Variants in GRID2 observed in about 807,000 individuals in gnomAD.
GRID2 encodes glutamate ionotropic receptor delta type subunit 2.
A neutral mutation model predicts 114.8 loss-of-function variants in GRID2; 33 were observed. The ratio of observed to expected loss-of-function variants is 0.29; its 90% CI spans 0.22 to 0.38. The LOEUF is 0.38. Ranked by LOEUF, GRID2 falls within the 10% of genes least tolerant of loss-of-function variation. The pLI is 1.00. For synonymous variants in GRID2, 505 were observed against 449.9 expected (o/e 1.12, Z -1.55); for missense variants, 1,184 against 1,257.7 (o/e 0.94, Z 0.89).
chr4:93,211,638 C>G lies in GRID2; in HGVS notation c.789+4181C>G, dbSNP rs564776047. 2.0e-5 allele frequency among the ~76,000 whole-genome samples: 3 copies of G among 152,002 alleles called. No individual in the cohort carries two copies. In the East Asian group the frequency reaches 5.8e-4, roughly 29 times the overall value. Reference sequence around the variant, plus strand: ...ACTTCACCATCACCATCATTGAAACCGTTATCTCTTTCTTACCCACAGCCC... The same window carrying G: ...ACTTCACCATCACCATCATTGAAACGGTTATCTCTTTCTTACCCACAGCCC... On this transcript the variant is annotated intron_variant, in intron 5 of 15. Coordinates refer to ENST00000282020, the MANE Select transcript of GRID2 (RefSeq NM_001510.4).
chr4:93,122,035 G>T lies in GRID2; in HGVS notation c.735+11082G>T, dbSNP rs114142666. On this transcript the variant is annotated intron_variant, in intron 4 of 15. Coordinates refer to ENST00000282020, the MANE Select transcript of GRID2 (RefSeq NM_001510.4). Reference sequence around the variant, plus strand: ...GTCTCTTGTCAAGTGAATGTATTTTGAAAATCTTCTCTTCTGTCTGTCTTT... The same window carrying T: ...GTCTCTTGTCAAGTGAATGTATTTTTAAAATCTTCTCTTCTGTCTGTCTTT... Among the ~76,000 whole-genome samples the T allele has an allele frequency of 2.0e-3, 303 of 152,172 alleles. 2 individuals carry two copies. The highest frequency in any genetic ancestry group is 7.2e-3 in the African/African-American group (298 of 41,548).
At chr4:92,840,661 T>A (rs116617628) in intron 2 of GRID2, among the ~76,000 whole-genome samples, 1 of 152,050 alleles carries the variant, frequency 6.6e-6, no homozygotes, top group Non-Finnish European at 1.5e-5. Context: ...AAAGCTTTCA[T>A]TGAGCAGCTT....
intron 2 of GRID2, among the ~76,000 whole-genome samples, chr4:92,792,255 A>G (rs1739625553): frequency 6.6e-6 from 1 of 151,772 alleles, no homozygotes; most frequent in Admixed American, 6.6e-5. Context: ...AGTGGACCTC[A>G]AGCATGGTAA....
At chr4:92,562,417 T>C (rs551517233) in intron 1 of GRID2, among the ~76,000 whole-genome samples, 83 of 152,324 alleles carry the variant, frequency 5.4e-4, no homozygotes, top group Admixed American at 1.2e-3. Flanking sequence ...AAAAATGTTT[T>C]CTCTTTTTGA....
intron 13 of GRID2, among the ~76,000 whole-genome samples, chr4:93,549,187 C>G (rs1733527557): frequency 6.6e-6 from 1 of 152,132 alleles, no homozygotes; most frequent in African/African-American, 2.4e-5. Flanking sequence ...CAAAACATGT[C>G]AAACCAAGAT....
chr4:93,792,613 C>A (rs1330707522), intron 1 of GRID2, among the ~76,000 whole-genome samples: 3 of 152,162 alleles, frequency 2.0e-5, no homozygotes, highest in Non-Finnish European at 4.4e-5. Context: ...ACCCCTTTCA[C>A]CCCACTTTTA....
intron 1 of GRID2, among the ~76,000 whole-genome samples, chr4:92,449,633 T>C (rs1720779995): frequency 6.9e-6 from 1 of 144,816 alleles, no homozygotes; most frequent in Admixed American, 7.0e-5. Flanking sequence ...TATACTCAAG[T>C]TTTTACTTGT....
chr4:92,965,744 G>A (rs1318240725), intron 2 of GRID2, among the ~76,000 whole-genome samples: 1 of 151,710 alleles, frequency 6.6e-6, no homozygotes, highest in African/African-American at 2.4e-5. Flanking sequence ...AATGACAGAA[G>A]AGCATATTTT....
intron 8 of GRID2, among the ~76,000 whole-genome samples, chr4:93,310,411 G>A (rs1755889364): frequency 2.0e-5 from 3 of 152,074 alleles, no homozygotes; most frequent in Non-Finnish European, 4.4e-5. Flanking sequence ...CACTCCTGTA[G>A]TCCCAGCTAC....
chr4:92,704,031 C>T (rs1229251470), intron 2 of GRID2, among the ~76,000 whole-genome samples: 1 of 152,178 alleles, frequency 6.6e-6, no homozygotes, highest in African/African-American at 2.4e-5. Flanking sequence ...AATCCCAGCA[C>T]TTTTGGAGGC....
chr4:93,694,846 A>T (rs1457290189), intron 14 of GRID2, among the ~76,000 whole-genome samples: 1 of 152,106 alleles, frequency 6.6e-6, no homozygotes, highest in African/African-American at 2.4e-5. Context: ...CACCCCGAAG[A>T]TCTTAAACTC....
At chr4:92,395,795 T>C (rs1009819775) in intron 1 of GRID2, among the ~76,000 whole-genome samples, 10 of 151,846 alleles carry the variant, frequency 6.6e-5, no homozygotes, top group Admixed American at 3.3e-4. Flanking sequence ...ATTATTCCTA[T>C]TTCAAAGATG....
chr4:93,683,340 A>G (rs1359593588), intron 14 of GRID2, among the ~76,000 whole-genome samples: 3 of 152,090 alleles, frequency 2.0e-5, no homozygotes, highest in African/African-American at 7.2e-5. Context: ...AACATAGCAG[A>G]TGCAAGGTTA....
intron 2 of GRID2, among the ~76,000 whole-genome samples, chr4:93,048,699 A>T (rs575188092): frequency 6.6e-6 from 1 of 152,124 alleles, no homozygotes; most frequent in African/African-American, 2.4e-5. Flanking sequence ...AAATTACAGC[A>T]AGATAGGCTA....
At chr4:93,037,505 G>A (rs948522461) in intron 2 of GRID2, among the ~76,000 whole-genome samples, 1 of 152,122 alleles carries the variant, frequency 6.6e-6, no homozygotes, top group Non-Finnish European at 1.5e-5. Context: ...TCATCAGGAA[G>A]TCCTTGCCCA....
chr4:93,316,293 AAAGAAAGAAAGAAAGAAAG>A (rs1164980987), intron 8 of GRID2, among the ~76,000 whole-genome samples: 13 of 44,660 alleles, frequency 2.9e-4, no homozygotes, highest in Non-Finnish European at 4.9e-4. Context: ...CGAAAGAACG[AAAGAAAGAAAGAAAGAAAG>A]AAAGAAAGAA....
At chr4:93,109,503 C>G (rs2149350101) in intron 3 of GRID2, among the ~76,000 whole-genome samples, 1 of 152,160 alleles carries the variant, frequency 6.6e-6, no homozygotes, top group South Asian at 2.1e-4. Context: ...TTTTCCTGTT[C>G]TGTGGTTTTA....
chr4:93,182,265 T>C (rs1045337618), intron 4 of GRID2, among the ~76,000 whole-genome samples: 3 of 152,158 alleles, frequency 2.0e-5, no homozygotes, highest in Non-Finnish European at 4.4e-5. Context: ...GAACTCATTG[T>C]GTAGATCACT....
intron 1 of GRID2, among the ~76,000 whole-genome samples, chr4:92,553,765 C>T (rs1019599320): frequency 2.0e-5 from 3 of 152,132 alleles, no homozygotes; most frequent in African/African-American, 4.8e-5. Flanking sequence ...ATTCTCCTGC[C>T]TCAGCCTCCC....
Sources: allele counts gnomAD v4.1 joint callset (sites outside exome capture counted in the v4.1 genomes callset), GRCh38; gene constraint gnomAD v4.1.1; transcripts MANE v1.5; gene names NCBI Gene and HGNC (gene_info 2026-07-23, HGNC 2026-07-21).